The following CNKSR3 variants were observed in gnomAD, a reference collection of about 807,000 sequenced individuals.
CNKSR3 encodes connector enhancer of kinase suppressor of ras 3.
CNKSR3 carries 36 observed loss-of-function variants against 67.7 expected under a neutral mutation model. That is an observed-to-expected ratio of 0.53 (90% CI 0.41 to 0.70). The LOEUF is 0.70. Among genes scored for constraint, CNKSR3 ranks in the 30% least tolerant of loss-of-function variants. CNKSR3 has a pLI of 0.00. For missense variants in CNKSR3, 630 were observed against 695.2 expected, an observed-to-expected ratio of 0.91 and a Z score of 1.05; for synonymous variants, 281 against 271.4, an observed-to-expected ratio of 1.04 and a Z score of -0.35.
chr6:154,499,350 C>T (rs1400999710), intron 1 of CNKSR3, among the ~76,000 whole-genome samples: 3 of 152,142 alleles, frequency 2.0e-5, no homozygotes, highest in Non-Finnish European at 4.4e-5. Context: ...ACCCCTGATT[C>T]TCCCATTTTA....
rs772848543 is a variant in CNKSR3 at position 154,442,279 on chromosome 6, G to A, written c.228C>T (p.Leu76=). 11 of 1,613,250 alleles carry A rather than the reference G, an allele frequency of 6.8e-6. No individual in the cohort carries two copies. Among genetic ancestry groups the A allele is most frequent in the African/African-American group, 1.3e-5 (1 of 74,970 alleles). The change falls in exon 3 of 13, where the codon CTC becomes CTT. Residue 76 remains leucine (L), a synonymous_variant. Transcript: ENST00000607772. ...VDLLCALNYG[L]ETDNMKNLVL... is the part of the protein sequence containing the mutation. ...CCAAGTTCTTCATGTTATCAGTTTCGAGGCCATAATTCTGTGGAAAATAAA... is the reference window on the plus strand; with the variant it reads ...CCAAGTTCTTCATGTTATCAGTTTCAAGGCCATAATTCTGTGGAAAATAAA...
Position 154,406,554 on chromosome 6 carries a change from C to T in CNKSR3, c.1468G>A (p.Glu490Lys), listed in dbSNP as rs764194390. 5.6e-6 allele frequency: 9 copies of T among 1,614,074 alleles called. No individual in the cohort carries two copies. The highest frequency in any genetic ancestry group is 1.1e-5 in the South Asian group (1 of 91,090). ...TCCGCACCCCGGACCAGATGCCGCT[C>T]GGTCGTGGGTCTGGAGAACCGGTAT... The part of the protein sequence containing the change: ...PPYRFSRPTT[E>K]RHLVRGADYI... The change falls in exon 13 of 13, where the codon GAG (glutamate) becomes AAG (lysine). Residue 490 changes from glutamate (E) to lysine (K), a missense_variant. This residue lies in a region of CNKSR3 where 308 missense variants were observed against 299.6 expected (regional missense o/e 1.03). Transcript: ENST00000607772.
chr6:154,495,377 AAG>A (rs1786857261), intron 1 of CNKSR3, among the ~76,000 whole-genome samples: 2 of 134,242 alleles, frequency 1.5e-5, no homozygotes, highest in South Asian at 4.5e-4. Flanking sequence ...TTTTTTTTTT[AAG>A]AGAGAGATAG....
chr6:154,416,569 G>A (rs905962193), intron 9 of CNKSR3, among the ~76,000 whole-genome samples: 6 of 152,098 alleles, frequency 3.9e-5, no homozygotes, highest in Non-Finnish European at 5.9e-5. Context: ...TTCTATATCA[G>A]TAACTCTCAT....
At chr6:154,477,039 T>G (rs925102637) in intron 1 of CNKSR3, among the ~76,000 whole-genome samples, 3 of 152,194 alleles carry the variant, frequency 2.0e-5, no homozygotes, top group Admixed American at 6.5e-5. Flanking sequence ...TATCTTCTTT[T>G]AACTTTGCAA....
intron 1 of CNKSR3, 119 bp downstream of exon 1, chr6:154,509,944 C>G: frequency 9.2e-7 from 1 of 1,091,136 alleles, no homozygotes; most frequent in Non-Finnish European, 1.4e-6. Context: ...TGCATTGTCA[C>G]CGGGCTGTGC....
Position 154,446,459 on chromosome 6 carries a change from G to A in CNKSR3, c.216+3636C>T, listed in dbSNP as rs1236637671. Among the ~76,000 whole-genome samples, 7 of 152,148 alleles carry A rather than the reference G, an allele frequency of 4.6e-5. No individual in the cohort carries two copies. The East Asian group carries it at 5.8e-4, about 13-fold the overall frequency. On this transcript the variant is annotated intron_variant, in intron 2 of 12. Transcript: ENST00000607772. The stretch of plus-strand genomic sequence containing the variant: ...AAGGCATTTTTAAATAAGCTCATAA[G>A]CAAGATCAAGTTAAATACAACTTGC...
chr6:154,479,038 G>C (rs537587065), intron 1 of CNKSR3, among the ~76,000 whole-genome samples: 1 of 151,386 alleles, frequency 6.6e-6, no homozygotes, highest in Admixed American at 6.6e-5. Context: ...GTTTAAAAAG[G>C]GGGAGGAACA....
In CNKSR3 at chr6:154,450,261, G is replaced by C; in HGVS notation, c.53-3C>G. On this transcript the variant is annotated splice_region_variant and splice_polypyrimidine_tract_variant and intron_variant, in intron 1 of 12. Transcript: ENST00000607772. ...TTGTTGCAGGCAGTCATCCAACCCT[G>C]CCAAAAACAATCAGAAGTCCCATTA... 3 of 1,612,256 alleles carry C rather than the reference G, an allele frequency of 1.9e-6. No homozygotes were observed. Among genetic ancestry groups the C allele is most frequent in the Non-Finnish European group, 2.5e-6 (3 of 1,178,950 alleles).
intron 9 of CNKSR3, among the ~76,000 whole-genome samples, chr6:154,415,600 T>C (rs1785009040): frequency 6.6e-6 from 1 of 152,092 alleles, no homozygotes; most frequent in East Asian, 1.9e-4. Context: ...TGAGAATAAA[T>C]AGGGACAAGG....
chr6:154,420,613 C>T (rs1248279052), intron 9 of CNKSR3, among the ~76,000 whole-genome samples: 10 of 139,272 alleles, frequency 7.2e-5, no homozygotes, highest in African/African-American at 2.7e-4. Context: ...GGCGTGAACC[C>T]GGGAGGCGGA....
intron 12 of CNKSR3, 78 bp downstream of exon 12, chr6:154,410,265 A>G: frequency 1.0e-6 from 1 of 963,268 alleles, no homozygotes; most frequent in Non-Finnish European, 1.6e-6. Flanking sequence ...TAACACATTT[A>G]GAAACAGAGG....
chr6:154,427,811 A>T (rs1157363655), intron 7 of CNKSR3, among the ~76,000 whole-genome samples: 1 of 152,168 alleles, frequency 6.6e-6, no homozygotes, highest in Non-Finnish European at 1.5e-5. Context: ...TATAAGAGTG[A>T]CTCTCAAAAA....
chr6:154,450,027 T>C (rs1455177383), intron 2 of CNKSR3, 68 bp downstream of exon 2: 2 of 1,443,030 alleles, frequency 1.4e-6, no homozygotes, highest in South Asian at 1.3e-5. Context: ...TCACAAACAA[T>C]GACGGCTTAA....
At chr6:154,416,457 C>T (rs1284987055) in intron 9 of CNKSR3, among the ~76,000 whole-genome samples, 1 of 152,178 alleles carries the variant, frequency 6.6e-6, no homozygotes, top group Non-Finnish European at 1.5e-5. Context: ...TATCTGAAAA[C>T]ATGAGGCCAG....
chr6:154,487,073 A>G (rs1299044996), intron 1 of CNKSR3, among the ~76,000 whole-genome samples: 4 of 152,166 alleles, frequency 2.6e-5, no homozygotes, highest in Admixed American at 1.3e-4. Flanking sequence ...CACCACACCC[A>G]GCTAATTTTT....
In CNKSR3 at chr6:154,423,135, C is replaced by T. The variant is rs927382472; in HGVS notation, c.730-152G>A. ...TGCACTTTATTCCCCTGAGACTACA[C>T]AGTCTATAGGACCTTAACACATGAA... On this transcript the variant is annotated intron_variant, in intron 7 of 12. Transcript: ENST00000607772. 2.9e-5 allele frequency: 18 copies of T among 618,204 alleles called. No individual in the cohort carries two copies. In the African/African-American group the frequency reaches 3.3e-4, roughly 11 times the overall value. The allele number at this position is 618,204 out of a possible 1,614,324, so 38.3% of individuals were successfully genotyped here.
rs1784772064 is a variant in CNKSR3 at position 154,405,623 on chromosome 6, G to C, written c.*731C>G. 1 of 152,168 alleles carries C rather than the reference G, an allele frequency of 6.6e-6. No individual in the cohort carries two copies. Among genetic ancestry groups the C allele is most frequent in the Admixed American group, 6.6e-5 (1 of 15,262 alleles). 9.4% of individuals were successfully genotyped at this position (152,168 alleles called of 1,614,324 possible). On this transcript the variant is annotated 3_prime_UTR_variant, in exon 13 of 13. Coordinates refer to ENST00000607772, the MANE Select transcript of CNKSR3 (RefSeq NM_173515.4). ...TTTCTAAATGATACTTTGGCTGTCA[G>C]CGAATCTTATAGCTTCTTTTCCCTT...
intron 9 of CNKSR3, among the ~76,000 whole-genome samples, chr6:154,421,538 C>A (rs1194663952): frequency 6.6e-6 from 1 of 152,144 alleles, no homozygotes; most frequent in Non-Finnish European, 1.5e-5. Context: ...CACTAAGGAC[C>A]AATGGCATAA....
Sources: allele counts gnomAD v4.1 joint callset (sites outside exome capture counted in the v4.1 genomes callset), GRCh38; gene constraint gnomAD v4.1.1; regional missense constraint gnomAD v4.1.1; transcripts MANE v1.5; gene names NCBI Gene and HGNC (gene_info 2026-07-23, HGNC 2026-07-21).